The following HSD17B3 variants were observed in gnomAD, a reference collection of about 807,000 sequenced individuals.
HSD17B3 encodes hydroxysteroid 17-beta dehydrogenase 3, also known as 17-beta-hydroxysteroid dehydrogenase type 3.
HSD17B3 carries 29 observed loss-of-function variants against 41.1 expected under a neutral mutation model. The ratio of observed to expected loss-of-function variants is 0.71; its 90% confidence interval spans 0.53 to 0.96. The LOEUF (loss-of-function observed/expected upper bound fraction) is 0.96, where lower values mean the gene tolerates loss of function less well. HSD17B3 is among the 40% of genes least tolerant of loss of function. The pLI is 0.00. For missense variants in HSD17B3, 323 were observed against 374.6 expected (o/e 0.86, Z 1.14); for synonymous variants, 126 against 145.6 (o/e 0.87, Z 0.97).
chr9:96,279,377 T>C (rs1587769157), intron 2 of HSD17B3, among the ~76,000 whole-genome samples: 1 of 152,196 alleles, frequency 6.6e-6, no homozygotes, highest in African/African-American at 2.4e-5. Flanking sequence ...TTACAGGTCA[T>C]AGGTGGATTC....
Position 96,276,533 on chromosome 9 carries a change from A to G in HSD17B3, c.202-21590T>C, listed in dbSNP as rs117166782. On this transcript the variant is annotated intron_variant, in intron 2 of 10. Transcript: ENST00000375263. ...ATAAAGCTACAGTAATCAAAATAGAATGCTTTACTAACATTAAAAAAGACA... is the reference window on the plus strand; with the variant it reads ...ATAAAGCTACAGTAATCAAAATAGAGTGCTTTACTAACATTAAAAAAGACA... Among the ~76,000 whole-genome samples the G allele has an allele frequency of 4.0e-3, 610 of 152,368 alleles. 9 individuals carry two copies. The highest frequency in any genetic ancestry group is 4.6e-3 in the South Asian group (22 of 4,832).
In HSD17B3 at chr9:96,289,192, G is replaced by GGTGT. The variant is rs67271328; in HGVS notation, c.201+9220_201+9223dup. Among the ~76,000 whole-genome samples the GGTGT allele has an allele frequency of 1.9e-3, 284 of 148,226 alleles. 1 individual carries two copies. The highest frequency in any genetic ancestry group is 6.6e-3 in the African/African-American group (263 of 40,012). On this transcript the variant is annotated intron_variant, in intron 2 of 10. Coordinates refer to ENST00000375263, the MANE Select transcript of HSD17B3 (RefSeq NM_000197.2). ...TGTTTCTTTAAACAGTTGATTTCCT[G>GGTGT]GTGTGTGTGTGTGTGTGTGTGTGTG...
chr9:96,289,246 A>G (rs1457579249), intron 2 of HSD17B3, among the ~76,000 whole-genome samples: 1 of 150,512 alleles, frequency 6.6e-6, no homozygotes, highest in Admixed American at 6.6e-5. Context: ...GAAGTGGGTA[A>G]TGGGGGAGAC....
At chr9:96,241,954 G>GAAAAAA (rs1564023265) in intron 9 of HSD17B3, among the ~76,000 whole-genome samples, 1 of 15,018 alleles carries the variant, frequency 6.7e-5, no homozygotes. Flanking sequence ...AAAAAGAAAA[G>GAAAAAA]AACAGAAAAA....
At chr9:96,274,535 C>T (rs1587761485) in intron 2 of HSD17B3, among the ~76,000 whole-genome samples, 1 of 151,884 alleles carries the variant, frequency 6.6e-6, no homozygotes, top group Admixed American at 6.6e-5. Flanking sequence ...AAAATGAGAA[C>T]AATAAAGAGG....
chr9:96,246,492 G>T, intron 7 of HSD17B3, 64 bp downstream of exon 7: 1 of 1,447,484 alleles, frequency 6.9e-7, no homozygotes, highest in Non-Finnish European at 9.7e-7. Flanking sequence ...CCCAGTCCCT[G>T]AGTTAGCTGA....
At chr9:96,279,657 A>G (rs1338603808) in intron 2 of HSD17B3, among the ~76,000 whole-genome samples, 1 of 152,208 alleles carries the variant, frequency 6.6e-6, no homozygotes, top group Non-Finnish European at 1.5e-5. Context: ...AGAGCTTTGC[A>G]GGGCCATTTC....
chr9:96,292,548 A>G (rs935326107), intron 2 of HSD17B3, among the ~76,000 whole-genome samples: 16 of 152,024 alleles, frequency 1.1e-4, no homozygotes, highest in African/African-American at 3.6e-4. Context: ...GGGTTTCACC[A>G]TGTTGGCCAG....
In HSD17B3 at chr9:96,252,907, C is replaced by T. The variant is rs539588932; in HGVS notation, c.281G>A (p.Arg94Gln). ...AATCTTCACACTCCTCCCTGTAGTC[C>T]GCTCTACACGAGAGACAACAGTTTT... ...KLEAIATEIE[R>Q]TTGRSVKIIQ... Residue 94 changes from arginine to glutamine, a missense_variant, in exon 4 of 11, where the codon CGG becomes CAG. By Grantham distance (43) the Arg-to-Gln change is conservative. Transcript: ENST00000375263. 15 of 1,595,786 alleles carry T rather than the reference C, an allele frequency of 9.4e-6. No individual in the cohort carries two copies. Among genetic ancestry groups the T allele is most frequent in the African/African-American group, 2.7e-5 (2 of 73,640 alleles).
rs1192568933 is a variant in HSD17B3, at chr9:96,302,130, C to A, written c.-26G>T. On this transcript the variant is annotated 5_prime_UTR_variant, in exon 1 of 11. Transcript: ENST00000375263. ...GGCTGCACTCAACAGACTGTTTCAG[C>A]CCTGGCCGTGGCTCTCTGTGTATGC... 1 of 1,612,398 alleles carries A rather than the reference C, an allele frequency of 6.2e-7. No individual in the cohort carries two copies. Among genetic ancestry groups the A allele is most frequent in the Non-Finnish European group, 8.5e-7 (1 of 1,179,176 alleles).
Position 96,291,093 on chromosome 9 carries a change from C to A in HSD17B3, c.201+7323G>T, listed in dbSNP as rs900740522. Reference sequence around the variant, plus strand: ...TTCATTGCAGCTGCCACCATCCCCGCGAATGTCTGTGGAGATCTGAATTCC... The same window carrying A: ...TTCATTGCAGCTGCCACCATCCCCGAGAATGTCTGTGGAGATCTGAATTCC... On this transcript the variant is annotated intron_variant, in intron 2 of 10. Coordinates refer to ENST00000375263, the MANE Select transcript of HSD17B3 (RefSeq NM_000197.2). Among the ~76,000 whole-genome samples the A allele has an allele frequency of 1.9e-4, 29 of 152,108 alleles. 1 individual carries two copies. Among genetic ancestry groups the A allele is most frequent in the Non-Finnish European group, 7.4e-5 (5 of 68,018 alleles).
At chr9:96,248,463 G>A (rs1836760402) in intron 6 of HSD17B3, among the ~76,000 whole-genome samples, 1 of 152,194 alleles carries the variant, frequency 6.6e-6, no homozygotes, top group African/African-American at 2.4e-5. Context: ...TGTTCAGATG[G>A]GTGAGACTGA....
intron 2 of HSD17B3, among the ~76,000 whole-genome samples, chr9:96,261,050 G>C (rs966233542): frequency 1.3e-5 from 2 of 152,104 alleles, no homozygotes; most frequent in African/African-American, 4.8e-5. Flanking sequence ...AGGTAATGCT[G>C]TGGCAACAAG....
chr9:96,280,081 C>T (rs1223928568), intron 2 of HSD17B3, among the ~76,000 whole-genome samples: 7 of 152,136 alleles, frequency 4.6e-5, no homozygotes, highest in Admixed American at 4.6e-4. Context: ...CTTTGTCACT[C>T]TTAAGGTCTC....
At chr9:96,281,548 C>G (rs1220284038) in intron 2 of HSD17B3, among the ~76,000 whole-genome samples, 1 of 152,158 alleles carries the variant, frequency 6.6e-6, no homozygotes, top group East Asian at 1.9e-4. Context: ...AGTCCCCTCT[C>G]AGAAAAGTCC....
At chr9:96,295,391 A>G (rs143236715) in intron 2 of HSD17B3, among the ~76,000 whole-genome samples, 5,951 of 143,850 alleles carry the variant, frequency 0.041, 154 homozygotes, top group Non-Finnish European at 0.065. Context: ...CTGGAGTGCA[A>G]TGGCACAATT....
intron 6 of HSD17B3, among the ~76,000 whole-genome samples, chr9:96,248,855 C>G (rs1836777158): frequency 6.6e-6 from 1 of 152,082 alleles, no homozygotes; most frequent in African/African-American, 2.4e-5. Flanking sequence ...CTGACCCTCA[C>G]CAAAGAACTT....
intron 10 of HSD17B3, among the ~76,000 whole-genome samples, chr9:96,236,590 A>G (rs762832518): frequency 6.6e-6 from 1 of 152,106 alleles, no homozygotes; most frequent in Non-Finnish European, 1.5e-5. Flanking sequence ...AAGGCTTTCC[A>G]TCATTTGGCA....
chr9:96,279,340 A>C (rs975565768), intron 2 of HSD17B3, among the ~76,000 whole-genome samples: 2 of 152,170 alleles, frequency 1.3e-5, no homozygotes, highest in African/African-American at 4.8e-5. Flanking sequence ...AAGGCAAAAC[A>C]ACTCAAAGGG....
Sources: gnomAD v4.1 joint callset for allele counts (sites outside exome capture counted in the v4.1 genomes callset) on GRCh38, gnomAD v4.1.1 for gene constraint, MANE v1.5 for transcripts, NCBI Gene and HGNC (gene_info 2026-07-23, HGNC 2026-07-21) for gene names.